GLYATL2: variants seen among roughly 807,000 people sequenced by gnomAD.
GLYATL2 encodes glycine N-acyltransferase-like protein 2.
A neutral mutation model predicts 21.4 loss-of-function variants in GLYATL2; 25 were observed. The ratio of observed to expected loss-of-function variants is 1.17; its 90% confidence interval spans 0.85 to 1.63. The LOEUF (loss-of-function observed/expected upper bound fraction) is 1.63. Among genes scored for constraint, GLYATL2 ranks in the 40% most tolerant of loss-of-function variants. GLYATL2 has a pLI of 0.00. For synonymous variants in GLYATL2, 114 were observed against 118.2 expected (o/e 0.96, Z 0.23); for missense variants, 361 against 343.3 (o/e 1.05, Z -0.41).
At chr11:58,865,499 AG>A (rs1403467420) in intron 1 of GLYATL2, among the ~76,000 whole-genome samples, 1 of 149,220 alleles carries the variant, frequency 6.7e-6, no homozygotes, top group Non-Finnish European at 1.5e-5. Flanking sequence ...CACAAAATGC[AG>A]TATTTATCAC....
intron 1 of GLYATL2, among the ~76,000 whole-genome samples, chr11:58,893,988 C>T (rs953013209): frequency 1.3e-5 from 2 of 152,148 alleles, no homozygotes. Context: ...CTTTCCTAGG[C>T]TACCTTTCAT....
At chr11:58,873,381 C>T (rs1854162257) in intron 1 of GLYATL2, among the ~76,000 whole-genome samples, 2 of 152,124 alleles carry the variant, frequency 1.3e-5, no homozygotes, top group Non-Finnish European at 2.9e-5. Context: ...AAAGGGAATG[C>T]TTCCAGTTTT....
chr11:58,854,968 A>T (rs1489646849), intron 1 of GLYATL2, among the ~76,000 whole-genome samples: 1 of 152,160 alleles, frequency 6.6e-6, no homozygotes, highest in African/African-American at 2.4e-5. Flanking sequence ...CTCTACTTCT[A>T]ATTTTAGTTC....
At chr11:58,846,737 A>G (rs1398200552), upstream of GLYATL2, among the ~76,000 whole-genome samples, 2 of 152,168 alleles carry the variant, frequency 1.3e-5, no homozygotes, top group African/African-American at 2.4e-5. Flanking sequence ...TGTGTTTCCA[A>G]GTAAACGTGA....
chr11:58,860,176 T>C lies in GLYATL2; in HGVS notation n.61-21808A>G, dbSNP rs1853906346. 2.0e-5 allele frequency among the ~76,000 whole-genome samples: 3 copies of C among 152,172 alleles called. No homozygotes were observed. In the South Asian group the frequency reaches 6.2e-4, roughly 31 times the overall value. ...AATGTCATTGGTATTTAGATAGGAA[T>C]TGCATTGAATCTGTAAATCACTTGG... is the stretch of plus-strand genomic sequence containing the variant. On this transcript the variant is annotated intron_variant and non_coding_transcript_variant, in intron 1 of 4. Coordinates refer to the GLYATL2 transcript ENST00000533636.
At chr11:58,883,150 T>C (rs1854371663) in intron 1 of GLYATL2, among the ~76,000 whole-genome samples, 1 of 152,194 alleles carries the variant, frequency 6.6e-6, no homozygotes, top group South Asian at 2.1e-4. Context: ...TTGGGCAACA[T>C]GGACATTTTC....
intron 5 of GLYATL2, among the ~76,000 whole-genome samples, 184 bp from the exon 6 acceptor site, chr11:58,835,021 CTG>C (rs903657271): frequency 5.3e-5 from 8 of 152,162 alleles, no homozygotes; most frequent in Non-Finnish European, 8.8e-5. Flanking sequence ...TGGGGGAACA[CTG>C]TGTGTTTTAC....
intron 1 of GLYATL2, among the ~76,000 whole-genome samples, chr11:58,874,444 C>G (rs551853799): frequency 6.6e-6 from 1 of 152,328 alleles, no homozygotes; most frequent in African/African-American, 2.4e-5. Context: ...AAATTTCCCT[C>G]TACACACTGC....
intron 1 of GLYATL2, among the ~76,000 whole-genome samples, chr11:58,899,661 AG>A (rs1341638230): frequency 6.6e-6 from 1 of 152,210 alleles, no homozygotes; most frequent in Non-Finnish European, 1.5e-5. Flanking sequence ...CCAGCGGGTT[AG>A]GGTTGCAGTC....
Position 58,852,518 on chromosome 11 carries a change from C to T in GLYATL2, n.61-14150G>A, listed in dbSNP as rs1853759226. 3.9e-5 allele frequency among the ~76,000 whole-genome samples: 6 copies of T among 152,148 alleles called. No individual in the cohort carries two copies. The South Asian group carries it at 1.2e-3, about 32-fold the overall frequency. On this transcript the variant is annotated intron_variant and non_coding_transcript_variant, in intron 1 of 4. Transcript: ENST00000533636. ...GTTTCATTTGGTCCTCACAACAACT[C>T]TATGAGGTAATCATTACTATTATCC...
intron 1 of GLYATL2, among the ~76,000 whole-genome samples, chr11:58,872,545 C>A (rs1397056952): frequency 6.6e-6 from 1 of 152,234 alleles, no homozygotes; most frequent in Admixed American, 6.5e-5. Flanking sequence ...ATAGGGAATT[C>A]TTTCCCCATT....
intron 1 of GLYATL2, among the ~76,000 whole-genome samples, chr11:58,903,834 G>T (rs1010473795): frequency 6.6e-6 from 1 of 152,048 alleles, no homozygotes; most frequent in Non-Finnish European, 1.5e-5. Context: ...GGCTCTCTGG[G>T]CATTCACCCG....
chr11:58,884,387 C>T (rs1409573197), intron 1 of GLYATL2, among the ~76,000 whole-genome samples: 2 of 152,144 alleles, frequency 1.3e-5, no homozygotes, highest in Non-Finnish European at 2.9e-5. Context: ...AATCAATGTG[C>T]AAAAATCACA....
At chr11:58,886,313 T>G (rs1347333873) in intron 1 of GLYATL2, among the ~76,000 whole-genome samples, 2 of 152,218 alleles carry the variant, frequency 1.3e-5, no homozygotes, top group Admixed American at 6.5e-5. Flanking sequence ...TGTTAGTGGA[T>G]GTCATCAACA....
At chr11:58,895,333 T>C (rs1364893557) in intron 1 of GLYATL2, among the ~76,000 whole-genome samples, 1 of 152,216 alleles carries the variant, frequency 6.6e-6, no homozygotes, top group African/African-American at 2.4e-5. Context: ...TTAAAATATA[T>C]GTTTTTCACA....
chr11:58,853,199 A>G (rs1372264169), intron 1 of GLYATL2, among the ~76,000 whole-genome samples: 1 of 152,190 alleles, frequency 6.6e-6, no homozygotes, highest in African/African-American at 2.4e-5. Context: ...GGGCAATACG[A>G]ATATTTATAA....
upstream of GLYATL2, among the ~76,000 whole-genome samples, chr11:58,848,182 G>A (rs1240151781): frequency 2.0e-5 from 3 of 152,030 alleles, no homozygotes; most frequent in Non-Finnish European, 4.4e-5. Context: ...CTTAAATCAT[G>A]ATACCTACAT....
chr11:58,891,670 A>C (rs936574352), intron 1 of GLYATL2, among the ~76,000 whole-genome samples: 3 of 152,176 alleles, frequency 2.0e-5, no homozygotes, highest in African/African-American at 7.2e-5. Flanking sequence ...AAATTAGAGA[A>C]ATCACAGTTA....
intron 1 of GLYATL2, among the ~76,000 whole-genome samples, chr11:58,865,016 GATGAAT>G (rs1853999656): frequency 6.7e-6 from 1 of 149,010 alleles, no homozygotes; most frequent in Non-Finnish European, 1.5e-5. Flanking sequence ...TTTTGGAGGT[GATGAAT>G]ATGTTTATGG....
Sources: gnomAD v4.1 joint callset for allele counts (sites outside exome capture counted in the v4.1 genomes callset) on GRCh38, gnomAD v4.1.1 for gene constraint, MANE v1.5 for transcripts, NCBI Gene and HGNC (gene_info 2026-07-23, HGNC 2026-07-21) for gene names.